The following PCDH9 variants were observed in gnomAD, a reference collection of about 807,000 sequenced individuals.
The protein encoded by PCDH9 is protocadherin 9.
PCDH9 carries 24 observed loss-of-function variants against 70.6 expected under a neutral mutation model. The observed-to-expected ratio is 0.34, with a 90% CI of 0.25 to 0.48. The LOEUF (loss-of-function observed/expected upper bound fraction) is 0.48. Among genes scored for constraint, PCDH9 ranks in the 20% least tolerant of loss-of-function variants. PCDH9 has a pLI of 0.99. For missense variants in PCDH9, 1,281 were observed against 1,503.6 expected, an observed-to-expected ratio of 0.85 and a Z score of 2.45; for synonymous variants, 562 against 558.5, an observed-to-expected ratio of 1.01 and a Z score of -0.09.
At chr13:66,687,340 C>T (rs925846584) in intron 3 of PCDH9, among the ~76,000 whole-genome samples, 2 of 152,088 alleles carry the variant, frequency 1.3e-5, no homozygotes, top group African/African-American at 4.8e-5. Context: ...TGTCTACTGG[C>T]TCATTACTTT....
chr13:66,664,520 G>A (rs4531613), intron 3 of PCDH9, among the ~76,000 whole-genome samples: 86,139 of 151,506 alleles, frequency 0.57, 24,798 homozygotes, highest in African/African-American at 0.65. Context: ...AATTGTTCAC[G>A]TGATTTGGGT....
intron 3 of PCDH9, among the ~76,000 whole-genome samples, chr13:66,681,284 A>G (rs962657914): frequency 2.6e-5 from 4 of 152,150 alleles, no homozygotes; most frequent in Non-Finnish European, 5.9e-5. Flanking sequence ...ATTTTAAACA[A>G]CTGCATTATA....
chr13:66,767,686 G>T (rs73210212), intron 3 of PCDH9, among the ~76,000 whole-genome samples: 12,370 of 152,004 alleles, frequency 0.081, 526 homozygotes, highest in East Asian at 0.14. Flanking sequence ...TGGAATTCAG[G>T]ATAGAATAAT....
intron 2 of PCDH9, among the ~76,000 whole-genome samples, chr13:67,061,631 C>G (rs975733399): frequency 6.6e-6 from 1 of 152,048 alleles, no homozygotes; most frequent in Non-Finnish European, 1.5e-5. Context: ...TATAATAAAG[C>G]TATTTGAAAC....
chr13:66,465,355 C>A (rs1958497921), intron 4 of PCDH9, among the ~76,000 whole-genome samples: 1 of 151,724 alleles, frequency 6.6e-6, no homozygotes, highest in African/African-American at 2.4e-5. Flanking sequence ...TCATTTAAAT[C>A]TTGTCATAAC....
intron 2 of PCDH9, among the ~76,000 whole-genome samples, chr13:67,157,869 T>C (rs1292657951): frequency 6.6e-6 from 1 of 152,172 alleles, no homozygotes; most frequent in African/African-American, 2.4e-5. Flanking sequence ...CATTTCTTCA[T>C]TGCCAGCATA....
At chr13:67,086,192 C>A (rs377528741) in intron 2 of PCDH9, among the ~76,000 whole-genome samples, 1 of 152,078 alleles carries the variant, frequency 6.6e-6, no homozygotes, top group Admixed American at 6.6e-5. Context: ...AACTCAATAA[C>A]AAATTATCTA....
At chr13:66,476,406 G>C (rs73207697) in intron 4 of PCDH9, among the ~76,000 whole-genome samples, 15,119 of 152,020 alleles carry the variant, frequency 0.099, 806 homozygotes, top group South Asian at 0.15. Flanking sequence ...CTTATAAAGA[G>C]AATTGCTAGT....
intron 3 of PCDH9, among the ~76,000 whole-genome samples, chr13:66,800,444 G>A (rs1235302151): frequency 1.3e-5 from 2 of 151,880 alleles, no homozygotes; most frequent in African/African-American, 4.8e-5. Flanking sequence ...GAAAATATAT[G>A]ATACATATAT....
At chr13:66,621,740 GT>G (rs1466642072) in intron 4 of PCDH9, among the ~76,000 whole-genome samples, 6 of 152,242 alleles carry the variant, frequency 3.9e-5, no homozygotes, top group African/African-American at 1.4e-4. Flanking sequence ...TGCAGAAGTA[GT>G]TCTCTCACAA....
At chr13:66,746,310 G>A (rs1482786176) in intron 3 of PCDH9, among the ~76,000 whole-genome samples, 1 of 152,108 alleles carries the variant, frequency 6.6e-6, no homozygotes, top group Non-Finnish European at 1.5e-5. Flanking sequence ...TACTTGATTT[G>A]TAAAAGCAAT....
chr13:66,659,023 C>T (rs2077970611), intron 3 of PCDH9, among the ~76,000 whole-genome samples: 1 of 152,048 alleles, frequency 6.6e-6, no homozygotes, highest in African/African-American at 2.4e-5. Flanking sequence ...AAATCCCTTG[C>T]TTATTTGCAT....
chr13:67,033,010 C>G (rs555281215), intron 2 of PCDH9, among the ~76,000 whole-genome samples: 4 of 151,808 alleles, frequency 2.6e-5, no homozygotes, highest in African/African-American at 7.2e-5. Context: ...TTATGTGATG[C>G]ATAATTTAAA....
chr13:66,713,746 G>T (rs977573913), intron 3 of PCDH9, among the ~76,000 whole-genome samples: 1 of 150,676 alleles, frequency 6.6e-6, no homozygotes, highest in Non-Finnish European at 1.5e-5. Context: ...ACCACCTCTA[G>T]TATAGTAAGA....
intron 2 of PCDH9, among the ~76,000 whole-genome samples, chr13:67,004,867 A>T (rs987160820): frequency 6.6e-6 from 1 of 152,156 alleles, no homozygotes; most frequent in African/African-American, 2.4e-5. Flanking sequence ...AAATAATAAT[A>T]AATAAATGCT....
chr13:66,453,159 G>C (rs913647382), intron 4 of PCDH9, among the ~76,000 whole-genome samples: 4 of 152,160 alleles, frequency 2.6e-5, no homozygotes, highest in Non-Finnish European at 5.9e-5. Flanking sequence ...GTATGTTACA[G>C]GTAAGACAGG....
chr13:66,380,202 T>C (rs191956910), intron 4 of PCDH9, among the ~76,000 whole-genome samples: 1 of 152,244 alleles, frequency 6.6e-6, no homozygotes, highest in Non-Finnish European at 1.5e-5. Context: ...CTGAGAAATA[T>C]ATTGTGTTTT....
intron 4 of PCDH9, among the ~76,000 whole-genome samples, chr13:66,358,180 A>G (rs1043822465): frequency 6.6e-6 from 1 of 152,034 alleles, no homozygotes; most frequent in Non-Finnish European, 1.5e-5. Flanking sequence ...AACAATATGC[A>G]GTAAATTATT....
intron 4 of PCDH9, among the ~76,000 whole-genome samples, chr13:66,522,003 G>A (rs769161342): frequency 2.1e-5 from 3 of 143,708 alleles, no homozygotes; most frequent in Non-Finnish European, 4.5e-5. Flanking sequence ...GTGAGACCCT[G>A]TCTCAAAAAA....
Sources: gnomAD v4.1 joint callset for allele counts (sites outside exome capture counted in the v4.1 genomes callset) on GRCh38, gnomAD v4.1.1 for gene constraint, MANE v1.5 for transcripts, NCBI Gene and HGNC (gene_info 2026-07-23, HGNC 2026-07-21) for gene names.